The following CPS1 variants were observed in gnomAD, a reference collection of about 807,000 sequenced individuals.
CPS1 encodes the protein carbamoyl-phosphate synthase 1.
A neutral mutation model predicts 174.6 loss-of-function variants in CPS1; 109 were observed. The ratio of observed to expected loss-of-function variants is 0.62; its 90% CI spans 0.53 to 0.73. The LOEUF (loss-of-function observed/expected upper bound fraction) is 0.73, where lower values mean the gene tolerates loss of function less well. Ranked by LOEUF, CPS1 falls within the 30% of genes least tolerant of loss-of-function variation. The pLI, the probability that CPS1 is intolerant of heterozygous loss-of-function variation, is 0.00. For missense variants in CPS1, 1,689 were observed against 1,821.9 expected, an observed-to-expected ratio of 0.93 and a Z score of 1.33; for synonymous variants, 637 against 632.0, an observed-to-expected ratio of 1.01 and a Z score of -0.12.
intron 21 of CPS1, among the ~76,000 whole-genome samples, chr2:210,623,101 A>G (rs1180857818): frequency 6.6e-6 from 1 of 152,082 alleles, no homozygotes; most frequent in Non-Finnish European, 1.5e-5. Flanking sequence ...GTTTTCTACC[A>G]TTTATGATGA....
chr2:210,615,197 A>G (rs1044266650), intron 20 of CPS1, among the ~76,000 whole-genome samples: 3 of 151,962 alleles, frequency 2.0e-5, no homozygotes, highest in African/African-American at 7.2e-5. Flanking sequence ...TCCACCTCAC[A>G]GTGTAGATGG....
chr2:210,541,652 A>G (rs1405953045), intron 1 of CPS1, among the ~76,000 whole-genome samples: 2 of 152,178 alleles, frequency 1.3e-5, no homozygotes, highest in African/African-American at 4.8e-5. Context: ...AACAAAGCAA[A>G]AAGAAAATGT....
chr2:210,634,443 AAT>A (rs1172978938), intron 21 of CPS1, among the ~76,000 whole-genome samples: 1 of 152,294 alleles, frequency 6.6e-6, no homozygotes, highest in African/African-American at 2.4e-5. Flanking sequence ...AGAAAAAAAA[AAT>A]GTTTCCTCTA....
intron 7 of CPS1, among the ~76,000 whole-genome samples, 198 bp downstream of exon 7, chr2:210,588,345 TA>T (rs985122403): frequency 1.2e-3 from 171 of 148,306 alleles, no homozygotes; most frequent in African/African-American, 4.1e-3. Flanking sequence ...GTTTTTTCTT[TA>T]AAAAAAAAAC....
At chr2:210,598,491 C>T (rs539065708) in intron 13 of CPS1, among the ~76,000 whole-genome samples, 19 of 151,380 alleles carry the variant, frequency 1.3e-4, no homozygotes, top group African/African-American at 3.6e-4. Context: ...GACACCCATG[C>T]GCTCAAAATA....
At chr2:210,599,750 A>T (rs1698643650) in intron 14 of CPS1, among the ~76,000 whole-genome samples, 189 bp downstream of exon 14, 1 of 151,976 alleles carries the variant, frequency 6.6e-6, no homozygotes, top group Admixed American at 6.6e-5. Flanking sequence ...ATTTCACAAA[A>T]TAGCTGATAG....
intron 10 of CPS1, 50 bp from the exon 11 acceptor site, chr2:210,592,829 T>C (rs1303381170): frequency 6.6e-7 from 1 of 1,512,784 alleles, no homozygotes; most frequent in African/African-American, 1.4e-5. Flanking sequence ...TAGCCACACT[T>C]GACATTCATT....
intron 1 of CPS1, among the ~76,000 whole-genome samples, chr2:210,494,129 A>T (rs1400161526): frequency 3.9e-5 from 6 of 152,250 alleles, no homozygotes; most frequent in Non-Finnish European, 8.8e-5. Context: ...TGCTGCTATC[A>T]TGCAGGCATT....
At chr2:210,540,959 A>C (rs1031955794) in intron 1 of CPS1, among the ~76,000 whole-genome samples, 15 of 152,174 alleles carry the variant, frequency 9.9e-5, no homozygotes, top group African/African-American at 3.6e-4. Flanking sequence ...ACACCTATTT[A>C]ATGGTCAAAG....
rs1192541748 is a variant in CPS1, at chr2:210,518,749, C to T, written c.4-37970C>T. ...TTTCTGAACTAAATTCTCTTTATTA[C>T]AAAATACAAACAAAATAAAGATTGA... On this transcript the variant is annotated intron_variant, in intron 1 of 38. Transcript: ENST00000430249. 4.6e-5 allele frequency among the ~76,000 whole-genome samples: 7 copies of T among 151,996 alleles called. No individual in the cohort carries two copies. In the East Asian group the frequency reaches 1.4e-3, roughly 30 times the overall value.
At chr2:210,511,068 A>G (rs1427173578) in intron 1 of CPS1, among the ~76,000 whole-genome samples, 1 of 152,210 alleles carries the variant, frequency 6.6e-6, no homozygotes, top group Non-Finnish European at 1.5e-5. Flanking sequence ...GCTGCTATAA[A>G]GACACATGCA....
intron 1 of CPS1, among the ~76,000 whole-genome samples, chr2:210,548,903 A>G (rs953498265): frequency 6.6e-6 from 1 of 152,078 alleles, no homozygotes; most frequent in Non-Finnish European, 1.5e-5. Context: ...GATTTCCAGG[A>G]GGGTGGAATG....
intron 11 of CPS1, among the ~76,000 whole-genome samples, 154 bp downstream of exon 11, chr2:210,593,110 C>T (rs1030348463): frequency 6.6e-6 from 1 of 151,906 alleles, no homozygotes; most frequent in Admixed American, 6.6e-5. Context: ...AAAATCTCCC[C>T]ATGAATGTCA....
chr2:210,599,306 T>C, intron 13 of CPS1, 66 bp from the exon 14 acceptor site: 1 of 1,479,528 alleles, frequency 6.8e-7, no homozygotes, highest in East Asian at 2.3e-5. Flanking sequence ...TGTCTTTTTA[T>C]TTAAGTGTGG....
intron 1 of CPS1, among the ~76,000 whole-genome samples, chr2:210,540,779 A>G (rs1331364072): frequency 6.6e-6 from 1 of 152,172 alleles, no homozygotes; most frequent in Non-Finnish European, 1.5e-5. Context: ...TTATTGTTCC[A>G]TTCTAGAAAT....
intron 1 of CPS1, among the ~76,000 whole-genome samples, chr2:210,522,211 A>G (rs1033217819): frequency 6.6e-6 from 1 of 151,910 alleles, no homozygotes; most frequent in Non-Finnish European, 1.5e-5. Context: ...TATATTCTGG[A>G]TACATGTCTT....
chr2:210,587,966 TA>T, intron 6 of CPS1, 91 bp from the exon 7 acceptor site: 1 of 1,108,034 alleles, frequency 9.0e-7, no homozygotes, highest in Non-Finnish European at 1.4e-6. Flanking sequence ...GTTACCAATC[TA>T]AGTTCAAAAC....
chr2:210,619,438 A>G (rs1699430127), intron 21 of CPS1: 1 of 152,080 alleles, frequency 6.6e-6, no homozygotes, highest in Non-Finnish European at 1.5e-5. Flanking sequence ...GAAAATAAAA[A>G]TGCTACTTGT....
Position 210,587,935 on chromosome 2 carries a change from C to A in CPS1, c.622-123C>A, listed in dbSNP as rs551965987. On this transcript the variant is annotated intron_variant, in intron 6 of 37. Transcript: ENST00000233072. The stretch of plus-strand genomic sequence containing the variant: ...CTGTTTGTTAACTGCCAGTCACTCC[C>A]TAGTAGTTAACAATCAATCTGTTAC... 827 of 865,632 alleles carry A rather than the reference C, an allele frequency of 9.6e-4. 2 individuals are homozygous for A. Among genetic ancestry groups the A allele is most frequent in the Non-Finnish European group, 1.5e-3 (729 of 499,052 alleles). The allele number at this position is 865,632 out of a possible 1,614,324, so 53.6% of individuals were successfully genotyped here.
Sources: gnomAD v4.1 joint callset for allele counts (sites outside exome capture counted in the v4.1 genomes callset) on GRCh38, gnomAD v4.1.1 for gene constraint, MANE v1.5 for transcripts, NCBI Gene and HGNC (gene_info 2026-07-23, HGNC 2026-07-21) for gene names.